The following UGT2B7 variants were observed in gnomAD, a reference collection of about 807,000 sequenced individuals.
The protein encoded by UGT2B7 is UDP-glucuronosyltransferase 2B7.
A neutral mutation model predicts 51.9 loss-of-function variants in UGT2B7; 51 were observed. The observed-to-expected ratio is 0.98, with a 90% CI of 0.78 to 1.24. The LOEUF is 1.24. Among genes scored for constraint, UGT2B7 ranks in the 50% most tolerant of loss-of-function variants. The pLI, the probability that UGT2B7 is intolerant of heterozygous loss-of-function variation, is 0.00. For missense variants in UGT2B7, 727 were observed against 628.4 expected, an observed-to-expected ratio of 1.16 and a Z score of -1.68; for synonymous variants, 225 against 211.6, an observed-to-expected ratio of 1.06 and a Z score of -0.55.
chr4:69,080,491 T>A (rs1199609310), intron 1 of UGT2B7, among the ~76,000 whole-genome samples: 1 of 148,428 alleles, frequency 6.7e-6, no homozygotes, highest in African/African-American at 2.5e-5. Context: ...GAAGTTGCAG[T>A]GAGCTGAGAT....
intron 1 of UGT2B7, among the ~76,000 whole-genome samples, chr4:69,080,073 C>T (rs778557256): frequency 5.3e-5 from 8 of 151,912 alleles, no homozygotes; most frequent in Non-Finnish European, 7.4e-5. Context: ...TATCATCTTG[C>T]CTATTTATGC....
At chr4:69,110,142 G>A (rs1719730592) in intron 5 of UGT2B7, among the ~76,000 whole-genome samples, 1 of 151,860 alleles carries the variant, frequency 6.6e-6, no homozygotes, top group Non-Finnish European at 1.5e-5. Context: ...TGATACAAAC[G>A]CACATACATA....
chr4:69,086,599 A>G (rs1718966106), intron 1 of UGT2B7, among the ~76,000 whole-genome samples: 1 of 151,896 alleles, frequency 6.6e-6, no homozygotes, highest in South Asian at 2.1e-4. Context: ...CTATTATCAT[A>G]TCACAGTCAA....
At chr4:69,053,166 C>A (rs568147106) in intron 1 of UGT2B7, among the ~76,000 whole-genome samples, 1 of 151,968 alleles carries the variant, frequency 6.6e-6, no homozygotes, top group Non-Finnish European at 1.5e-5. Flanking sequence ...AATATGTCTT[C>A]AAGGTTTTAT....
chr4:69,063,861 C>A (rs954589135), intron 1 of UGT2B7, among the ~76,000 whole-genome samples: 2 of 151,892 alleles, frequency 1.3e-5, no homozygotes, highest in South Asian at 4.2e-4. Context: ...ATCACAGAAT[C>A]CATCGTTAAC....
chr4:69,112,240 C>T (rs1472776451), intron 5 of UGT2B7, among the ~76,000 whole-genome samples: 3 of 152,176 alleles, frequency 2.0e-5, no homozygotes, highest in African/African-American at 7.2e-5. Flanking sequence ...GTACCCACTG[C>T]TTGCTCAATC....
intron 1 of UGT2B7, among the ~76,000 whole-genome samples, chr4:69,079,488 A>T (rs960706151): frequency 1.3e-5 from 2 of 152,130 alleles, no homozygotes; most frequent in African/African-American, 2.4e-5. Flanking sequence ...TATAATAAAA[A>T]ATATATATAT....
intron 1 of UGT2B7, among the ~76,000 whole-genome samples, chr4:69,075,553 T>A (rs1437361882): frequency 1.3e-5 from 2 of 152,104 alleles, no homozygotes; most frequent in East Asian, 3.9e-4. Flanking sequence ...TTTGAGTCTT[T>A]TGACATCAAT....
At chr4:69,064,094 A>AAGAGAGAGAGAGAGAGAG (rs112391559) in intron 1 of UGT2B7, among the ~76,000 whole-genome samples, 1 of 84,422 alleles carries the variant, frequency 1.2e-5, no homozygotes, top group Non-Finnish European at 2.4e-5. Flanking sequence ...GAAAGAAAGA[A>AAGAGAGAGAGAGAGAGAG]AGAGAAAGAA....
Position 69,107,324 on chromosome 4 carries a change from T to A in UGT2B7, c.1090+62T>A, listed in dbSNP as rs28365064. The stretch of plus-strand genomic sequence containing the variant: ...AACAGCACATTAGAGTGTTAATAGT[T>A]CATCATGAAACAAGCTTATTGAATA... On this transcript the variant is annotated intron_variant, in intron 4 of 5. Coordinates refer to ENST00000305231, the MANE Select transcript of UGT2B7 (RefSeq NM_001074.4). 1,053 of 1,491,312 alleles carry A rather than the reference T, an allele frequency of 7.1e-4. 8 individuals carry two copies. In the African/African-American group the frequency reaches 0.013, roughly 19 times the overall value. 92.4% of individuals were successfully genotyped at this position (1,491,312 alleles called of 1,614,324 possible).
At chr4:69,074,427 A>ATATATATATATATATATATAT (rs1718660162) in intron 1 of UGT2B7, among the ~76,000 whole-genome samples, 1 of 116,068 alleles carries the variant, frequency 8.6e-6, no homozygotes, top group African/African-American at 3.3e-5. Context: ...CCTTATCTTA[A>ATATATATATATATATATATAT]ATATATATAT....
At chr4:69,053,134 G>A (rs1017782154) in intron 1 of UGT2B7, among the ~76,000 whole-genome samples, 3 of 151,968 alleles carry the variant, frequency 2.0e-5, no homozygotes, top group African/African-American at 7.3e-5. Context: ...TTACCTTATG[G>A]TCAAACATGA....
At chr4:69,104,049 G>A (rs1304099158) in intron 3 of UGT2B7, among the ~76,000 whole-genome samples, 2 of 152,076 alleles carry the variant, frequency 1.3e-5, no homozygotes, top group Non-Finnish European at 2.9e-5. Context: ...AGTATTTTCG[G>A]AGGCCGAGGC....
chr4:69,066,732 TGTAGTTAC>T (rs1718490697), intron 1 of UGT2B7, among the ~76,000 whole-genome samples: 2 of 152,144 alleles, frequency 1.3e-5, no homozygotes, highest in Non-Finnish European at 2.9e-5. Context: ...TTATTTCAAG[TGTAGTTAC>T]CTTTCACAAA....
At chr4:69,082,488 C>T (rs1186064442) in intron 1 of UGT2B7, among the ~76,000 whole-genome samples, 2 of 151,952 alleles carry the variant, frequency 1.3e-5, no homozygotes, top group Non-Finnish European at 2.9e-5. Context: ...AGTAAAACCG[C>T]ATTATCATTC....
upstream of UGT2B7, among the ~76,000 whole-genome samples, chr4:69,093,292 G>C (rs866696185): frequency 1.3e-5 from 2 of 152,132 alleles, no homozygotes; most frequent in African/African-American, 4.8e-5. Flanking sequence ...TGGTCGATTT[G>C]GATGCTCCAA....
At chr4:69,086,918 A>G (rs1396461062) in intron 1 of UGT2B7, among the ~76,000 whole-genome samples, 1 of 151,908 alleles carries the variant, frequency 6.6e-6, no homozygotes, top group Non-Finnish European at 1.5e-5. Context: ...TTATCCATTC[A>G]GTCACTCTAT....
At chr4:69,059,259 C>G (rs1434623203) in intron 1 of UGT2B7, among the ~76,000 whole-genome samples, 1 of 152,192 alleles carries the variant, frequency 6.6e-6, no homozygotes, top group Non-Finnish European at 1.5e-5. Flanking sequence ...AACTGTGCAA[C>G]TATTGTGGGA....
rs1178892377 is a variant in UGT2B7 at position 69,055,098 on chromosome 4, T to TAAAA, written c.-159+3521_-159+3524dup. Among the ~76,000 whole-genome samples, 80 of 22,562 alleles carry TAAAA rather than the reference T, an allele frequency of 3.5e-3. 2 individuals are homozygous for TAAAA. Among genetic ancestry groups the TAAAA allele is most frequent in the African/African-American group, 0.013 (67 of 4,978 alleles). 14.8% of individuals were successfully genotyped at this position (22,562 alleles called of 152,430 possible). On this transcript the variant is annotated intron_variant, in intron 1 of 5. Coordinates refer to the UGT2B7 transcript ENST00000502942. ...TAAGTGACAGAAGTAAAGTAATAGC[T>TAAAA]AAAAAAAAAAAAAAAAAAAAAAAAA...
Sources: allele counts gnomAD v4.1 joint callset (sites outside exome capture counted in the v4.1 genomes callset), GRCh38; gene constraint gnomAD v4.1.1; transcripts MANE v1.5; gene names NCBI Gene and HGNC (gene_info 2026-07-23, HGNC 2026-07-21).